The following BCAR3 variants were observed in gnomAD, a reference collection of about 807,000 sequenced individuals.
BCAR3 encodes the protein BCAR3 adaptor protein, NSP family member, also known as breast cancer anti-estrogen resistance protein 3.
BCAR3 carries 37 observed loss-of-function variants against 80.1 expected under a neutral mutation model. The observed-to-expected ratio is 0.46, with a 90% confidence interval of 0.36 to 0.61. BCAR3 has a LOEUF of 0.61. BCAR3 is among the 20% of genes least tolerant of loss of function. BCAR3 has a pLI of 0.00. For missense variants in BCAR3, 978 were observed against 1,068.2 expected (o/e 0.92, Z 1.18); for synonymous variants, 389 against 418.9 (o/e 0.93, Z 0.87).
intron 2 of BCAR3, among the ~76,000 whole-genome samples, chr1:93,711,818 C>A (rs781718210): frequency 5.3e-5 from 8 of 152,292 alleles, no homozygotes; most frequent in Non-Finnish European, 1.0e-4. Flanking sequence ...CACCTACAGA[C>A]AAGAATCCTG....
chr1:93,651,551 C>T (rs190628483), intron 2 of BCAR3, among the ~76,000 whole-genome samples: 1 of 152,294 alleles, frequency 6.6e-6, no homozygotes, highest in Admixed American at 6.5e-5. Context: ...GGGGTACTAT[C>T]CTCAACTTAC....
intron 2 of BCAR3, among the ~76,000 whole-genome samples, chr1:93,747,771 G>T (rs964759514): frequency 6.6e-6 from 1 of 151,572 alleles, no homozygotes; most frequent in African/African-American, 2.4e-5. Context: ...AAACCCTTTA[G>T]CATGACACTC....
intron 2 of BCAR3, among the ~76,000 whole-genome samples, chr1:93,668,197 T>C (rs2101939411): frequency 6.6e-6 from 1 of 152,314 alleles, no homozygotes; most frequent in Middle Eastern, 3.4e-3. Flanking sequence ...AGGACTGCAT[T>C]GTGTAATTCT....
chr1:93,688,338 C>T (rs1165902629), intron 3 of BCAR3, among the ~76,000 whole-genome samples: 1 of 152,168 alleles, frequency 6.6e-6, no homozygotes, highest in Non-Finnish European at 1.5e-5. Flanking sequence ...TATATTTGAA[C>T]CACCCATTTC....
At chr1:93,749,379 G>A (rs1325170982) in intron 2 of BCAR3, among the ~76,000 whole-genome samples, 1 of 152,038 alleles carries the variant, frequency 6.6e-6, no homozygotes, top group African/African-American at 2.4e-5. Context: ...ATGAGGTCAC[G>A]AGATCGAGAC....
In BCAR3 at chr1:93,825,413, G is replaced by C. The variant is rs1168641687; in HGVS notation, c.-63+20154C>G. ...TGGCATATTCTCCCTCTTACCTACA[G>C]GGAGGTTTTGCAGGCTTGAGCTCCT... On this transcript the variant is annotated intron_variant, in intron 2 of 13. Transcript: ENST00000370244. Among the ~76,000 whole-genome samples, 2 of 133,696 alleles carry C rather than the reference G, an allele frequency of 1.5e-5. 1 individual carries two copies. The highest frequency in any genetic ancestry group is 5.8e-4 in the East Asian group (2 of 3,446). 87.7% of individuals were successfully genotyped at this position (133,696 alleles called of 152,430 possible). A position where few individuals can be genotyped will look rare whatever the true frequency, so the allele number is the denominator to read the frequency against.
At chr1:93,799,503 CA>C (rs1327034098) in intron 2 of BCAR3, among the ~76,000 whole-genome samples, 1 of 152,134 alleles carries the variant, frequency 6.6e-6, no homozygotes, top group Non-Finnish European at 1.5e-5. Context: ...GTTGGGTATG[CA>C]AAAATTCCAG....
rs114866046 is a variant in BCAR3, at chr1:93,833,893, A to G, written c.-63+11674T>C. Among the ~76,000 whole-genome samples, 277 of 152,352 alleles carry G rather than the reference A, an allele frequency of 1.8e-3. 3 individuals are homozygous for G. The highest frequency in any genetic ancestry group is 3.2e-3 in the Non-Finnish European group (219 of 68,024). Reference sequence around the variant, plus strand: ...TTAAGAGATTAAAAGAAAGACAGGCATAGGACATTATAAGACTATTGATTG... The same window carrying G: ...TTAAGAGATTAAAAGAAAGACAGGCGTAGGACATTATAAGACTATTGATTG... On this transcript the variant is annotated intron_variant, in intron 2 of 13. Transcript: ENST00000370244.
At chr1:93,835,673 C>A (rs1022556389) in intron 2 of BCAR3, among the ~76,000 whole-genome samples, 1 of 152,216 alleles carries the variant, frequency 6.6e-6, no homozygotes, top group Non-Finnish European at 1.5e-5. Context: ...AGTGTTCCAT[C>A]TGCTATTTTA....
intron 7 of BCAR3, 40 bp from the exon 8 acceptor site, chr1:93,576,169 T>C: frequency 2.0e-6 from 3 of 1,489,386 alleles, no homozygotes; most frequent in Non-Finnish European, 2.8e-6. Flanking sequence ...GATCAGGAAG[T>C]GGGCTTGCCT....
chr1:93,817,417 T>A (rs1029225323), intron 2 of BCAR3, among the ~76,000 whole-genome samples: 11 of 152,220 alleles, frequency 7.2e-5, no homozygotes, highest in Non-Finnish European at 1.5e-5. Flanking sequence ...GTATTTTACA[T>A]GTTATATTAT....
intron 2 of BCAR3, among the ~76,000 whole-genome samples, chr1:93,731,952 C>G (rs1183635294): frequency 6.6e-6 from 1 of 152,138 alleles, no homozygotes; most frequent in Non-Finnish European, 1.5e-5. Flanking sequence ...GCAGAGGCCC[C>G]GTGGGTGAGG....
rs745732331 is a variant in BCAR3 at position 93,674,793 on chromosome 1, A to G, written c.138T>C (p.Ser46=). The part of the protein sequence containing the change: ...EHRPDAYQDV[S]IHGTLPRKKK... ...TCTTCCGTGGAAGGGTGCCATGTAT[A>G]GACACATCTTGATAGGCATCTGGGC... The change falls in exon 2 of 12, where the codon TCT becomes TCC. Residue 46 remains serine, a synonymous_variant. Coordinates refer to ENST00000260502, the MANE Select transcript of BCAR3 (RefSeq NM_003567.4). 2 of 1,611,346 alleles carry G rather than the reference A, an allele frequency of 1.2e-6. No homozygotes were observed. The highest frequency in any genetic ancestry group is 2.2e-5 in the South Asian group (2 of 90,468).
At chr1:93,653,703 G>A (rs559798256) in intron 2 of BCAR3, among the ~76,000 whole-genome samples, 32 of 152,292 alleles carry the variant, frequency 2.1e-4, no homozygotes, top group Middle Eastern at 3.4e-3. Context: ...GCCAGTGGGT[G>A]GGAAACACTG....
chr1:93,612,663 A>G (rs940612832), intron 3 of BCAR3, among the ~76,000 whole-genome samples: 2 of 152,164 alleles, frequency 1.3e-5, no homozygotes, highest in Non-Finnish European at 2.9e-5. Context: ...GCTTTAAAAT[A>G]CTGTTAATGG....
In BCAR3 at chr1:93,694,004, T is replaced by G. The variant is rs1449920752; in HGVS notation, c.-12+12088A>C. On this transcript the variant is annotated intron_variant, in intron 3 of 13. Coordinates refer to the BCAR3 transcript ENST00000370244. ...TCTTTGAGGCAGGTATTATTATCCC[T>G]ATTTTATAGATGAGGAGATTGAGGT... Among the ~76,000 whole-genome samples, 3 of 152,222 alleles carry G rather than the reference T, an allele frequency of 2.0e-5. No individual in the cohort carries two copies. In the East Asian group the frequency reaches 5.8e-4, roughly 29 times the overall value.
At chr1:93,683,207 C>A (rs1648862482), upstream of BCAR3, among the ~76,000 whole-genome samples, 1 of 152,192 alleles carries the variant, frequency 6.6e-6, no homozygotes, top group African/African-American at 2.4e-5. Flanking sequence ...AGAGGACAAA[C>A]AGGCATTTCT....
chr1:93,729,198 C>A (rs1650700075), intron 2 of BCAR3, among the ~76,000 whole-genome samples: 1 of 152,128 alleles, frequency 6.6e-6, no homozygotes, highest in African/African-American at 2.4e-5. Flanking sequence ...TCCCTATAAA[C>A]CTACTGTGAG....
At chr1:93,579,668 C>G (rs145565140) in intron 7 of BCAR3, among the ~76,000 whole-genome samples, 264 of 152,094 alleles carry the variant, frequency 1.7e-3, no homozygotes, top group African/African-American at 6.1e-3. Flanking sequence ...CATCTCTCCT[C>G]CACCTAGAGG....
Sources: gnomAD v4.1 joint callset for allele counts (sites outside exome capture counted in the v4.1 genomes callset) on GRCh38, gnomAD v4.1.1 for gene constraint, MANE v1.5 for transcripts, NCBI Gene and HGNC (gene_info 2026-07-23, HGNC 2026-07-21) for gene names.